RBFOX1: variants seen among roughly 807,000 people sequenced by gnomAD.
RBFOX1 encodes the protein RNA binding fox-1 homolog 1.
Under a neutral mutation model 57.7 loss-of-function variants are expected in RBFOX1, and 8 were observed. The observed-to-expected ratio is 0.14, with a 90% CI of 0.08 to 0.25. The LOEUF is 0.25. RBFOX1 is among the 10% of genes least tolerant of loss of function. The pLI is 1.00. For synonymous variants in RBFOX1, 326 were observed against 222.4 expected, an observed-to-expected ratio of 1.47 and a Z score of -4.15; for missense variants, 611 against 548.5, an observed-to-expected ratio of 1.11 and a Z score of -1.14.
rs759363515 is a variant in RBFOX1, at chr16:6,612,076, G to A, written c.-63-42527G>A. On this transcript the variant is annotated intron_variant, in intron 2 of 15. Transcript: ENST00000550418. ...TCTTGCATTATTCTAATATATTTAC[G>A]TCTAAAACAACCCTCCCCTCTTGCA... Among the ~76,000 whole-genome samples the A allele has an allele frequency of 5.3e-5, 8 of 152,002 alleles. 1 individual carries two copies. The highest frequency in any genetic ancestry group is 6.6e-5 in the Admixed American group (1 of 15,260).
chr16:6,933,489 G>A (rs952654156), intron 3 of RBFOX1, among the ~76,000 whole-genome samples: 5 of 152,252 alleles, frequency 3.3e-5, no homozygotes, highest in African/African-American at 1.2e-4. Context: ...AAGGCAGGCA[G>A]ATCACCTGAG....
At chr16:5,994,121 T>G (rs1401744068) in intron 4 of RBFOX1, among the ~76,000 whole-genome samples, 1 of 152,216 alleles carries the variant, frequency 6.6e-6, no homozygotes, top group Non-Finnish European at 1.5e-5. Context: ...TTTTTCCAGC[T>G]GTAATGGGTG....
In RBFOX1 at chr16:5,436,982, G is replaced by A. The variant is rs893272169; in HGVS notation, c.220-30234G>A. On this transcript the variant is annotated intron_variant, in intron 1 of 2. Transcript: ENST00000585867. ...GTCTTTGATTTGTACCTGCCCCCAT[G>A]ACTGGCAGAAAGGGCTGTTGTTTAC... 1.3e-4 allele frequency among the ~76,000 whole-genome samples: 20 copies of A among 152,154 alleles called. 1 individual carries two copies. Among genetic ancestry groups the A allele is most frequent in the Admixed American group, 5.9e-4 (9 of 15,272 alleles).
At chr16:7,230,968 G>A (rs1284667858) in intron 4 of RBFOX1, among the ~76,000 whole-genome samples, 3 of 152,116 alleles carry the variant, frequency 2.0e-5, no homozygotes, top group East Asian at 3.9e-4. Context: ...GGTTTCCGAA[G>A]CTGGGTCTGA....
At chr16:7,417,890 C>G (rs1439745998) in intron 4 of RBFOX1, among the ~76,000 whole-genome samples, 1 of 152,148 alleles carries the variant, frequency 6.6e-6, no homozygotes, top group East Asian at 1.9e-4. Flanking sequence ...TCCCATCTCC[C>G]TTTTCCTGCA....
intron 4 of RBFOX1, among the ~76,000 whole-genome samples, chr16:7,161,083 T>A (rs2078230044): frequency 6.6e-6 from 1 of 151,722 alleles, no homozygotes; most frequent in Non-Finnish European, 1.5e-5. Context: ...CCTTTCATCA[T>A]ATTTGCAGAG....
intron 4 of RBFOX1, among the ~76,000 whole-genome samples, chr16:7,490,998 A>C (rs577374331): frequency 6.6e-6 from 1 of 152,274 alleles, no homozygotes; most frequent in South Asian, 2.1e-4. Flanking sequence ...CACCCTTGGA[A>C]AACTCTGAAA....
rs143332792 is a variant in RBFOX1 at position 5,908,087 on chromosome 16, C to T, written c.351+40752C>T. ...GTGTGTATGTATATATATATATATA[C>T]ACATATATACACATATATATATACA... On this transcript the variant is annotated intron_variant, in intron 4 of 19. Transcript: ENST00000641259. Among the ~76,000 whole-genome samples the T allele has an allele frequency of 2.8e-3, 353 of 124,836 alleles. 9 individuals are homozygous for T. The highest frequency in any genetic ancestry group is 0.013 in the African/African-American group (338 of 26,294). 81.9% of individuals were successfully genotyped at this position (124,836 alleles called of 152,430 possible). A position where few individuals can be genotyped will look rare whatever the true frequency, so the allele number is the denominator to read the frequency against.
rs115843125 is a variant in RBFOX1, at chr16:6,980,480, G to A, written c.-15-71577G>A. On this transcript the variant is annotated intron_variant, in intron 3 of 15. Coordinates refer to ENST00000550418, the MANE Select transcript of RBFOX1 (RefSeq NM_018723.4). ...GTCTTCTTATGTTGAAATTTTTCTG[G>A]TGTTTGTTTGCATTCCTAGGCCCAC... 7.5e-3 allele frequency among the ~76,000 whole-genome samples: 1,136 copies of A among 152,194 alleles called. 12 individuals carry two copies. Among genetic ancestry groups the A allele is most frequent in the African/African-American group, 0.026 (1,094 of 41,534 alleles).
intron 3 of RBFOX1, among the ~76,000 whole-genome samples, chr16:7,002,324 TTTTGTG>T (rs1472487136): frequency 6.6e-6 from 1 of 152,256 alleles, no homozygotes; most frequent in Non-Finnish European, 1.5e-5. Flanking sequence ...TCTAAAGCTA[TTTTGTG>T]TTTGTGTGAG....
intron 14 of RBFOX1, among the ~76,000 whole-genome samples, chr16:7,685,251 G>C (rs537242085): frequency 2.0e-5 from 3 of 152,082 alleles, no homozygotes; most frequent in South Asian, 4.1e-4. Flanking sequence ...CAAGAGATAA[G>C]AGGATCTATC....
Position 5,405,730 on chromosome 16 carries a change from TG to T in RBFOX1, c.220-61484del, listed in dbSNP as rs1264257196. ...TTGGTTTGCGGGGATAAGTTATTGT[TG>T]GTCTAAGCCAGTTACAGTAATCCCT... On this transcript the variant is annotated intron_variant, in intron 1 of 2. Transcript: ENST00000585867. 5.3e-5 allele frequency among the ~76,000 whole-genome samples: 8 copies of T among 152,322 alleles called. No individual in the cohort carries two copies. The East Asian group carries it at 1.4e-3, about 26-fold the overall frequency.
intron 3 of RBFOX1, among the ~76,000 whole-genome samples, chr16:6,719,684 G>A (rs2065569253): frequency 6.6e-6 from 1 of 151,512 alleles, no homozygotes; most frequent in Admixed American, 6.6e-5. Flanking sequence ...CTGACCTTGT[G>A]ATCCACCCAC....
chr16:6,379,289 C>T (rs937821641), intron 2 of RBFOX1, among the ~76,000 whole-genome samples: 2 of 151,972 alleles, frequency 1.3e-5, no homozygotes, highest in African/African-American at 4.8e-5. Flanking sequence ...AAGGTGCTTC[C>T]CTAGGAGAGA....
At chr16:6,818,342 G>T (rs2090564187) in intron 3 of RBFOX1, among the ~76,000 whole-genome samples, 2 of 152,006 alleles carry the variant, frequency 1.3e-5, no homozygotes, top group Non-Finnish European at 2.9e-5. Context: ...GTGACATACG[G>T]AGCTCACCTC....
At chr16:7,393,795 A>G (rs2098088408) in intron 4 of RBFOX1, among the ~76,000 whole-genome samples, 1 of 152,172 alleles carries the variant, frequency 6.6e-6, no homozygotes, top group South Asian at 2.1e-4. Flanking sequence ...CCTTTACTCC[A>G]GGCATCTCTG....
intron 3 of RBFOX1, among the ~76,000 whole-genome samples, chr16:5,812,999 C>A (rs565185501): frequency 6.7e-6 from 1 of 148,654 alleles, no homozygotes; most frequent in East Asian, 2.0e-4. Flanking sequence ...AAGTCTATCC[C>A]TTTAACCACT....
chr16:5,520,393 A>G (rs1165532866), intron 2 of RBFOX1, among the ~76,000 whole-genome samples: 1 of 152,146 alleles, frequency 6.6e-6, no homozygotes, highest in African/African-American at 2.4e-5. Context: ...GGTACAGCTG[A>G]CTCATTTAGA....
chr16:6,363,959 A>T (rs1316293866), intron 2 of RBFOX1, among the ~76,000 whole-genome samples: 2 of 152,246 alleles, frequency 1.3e-5, no homozygotes, highest in Non-Finnish European at 2.9e-5. Context: ...ATATAAAAAA[A>T]TTGGAAAGAC....
Sources: gnomAD v4.1 joint callset for allele counts (sites outside exome capture counted in the v4.1 genomes callset) on GRCh38, gnomAD v4.1.1 for gene constraint, MANE v1.5 for transcripts, NCBI Gene and HGNC (gene_info 2026-07-23, HGNC 2026-07-21) for gene names.